The following CTNNA2 variants were observed in gnomAD, a reference collection of about 807,000 sequenced individuals.
CTNNA2 encodes catenin alpha 2.
In CTNNA2, 42 loss-of-function variants were observed where a neutral mutation model predicts 101.0. The ratio of observed to expected loss-of-function variants is 0.42; its 90% CI spans 0.32 to 0.54. The LOEUF is 0.54. Among genes scored for constraint, CTNNA2 ranks in the 20% least tolerant of loss-of-function variants. The probability of loss-of-function intolerance (pLI) is 0.14; values close to 1 mark genes in which losing one functional copy is unlikely to be tolerated. For missense variants in CTNNA2, 871 were observed against 1,223.1 expected (o/e 0.71, Z 4.29); for synonymous variants, 450 against 456.4 (o/e 0.99, Z 0.18).
chr2:80,375,473 C>T (rs547598423), intron 7 of CTNNA2, among the ~76,000 whole-genome samples: 2 of 152,130 alleles, frequency 1.3e-5, no homozygotes, highest in East Asian at 3.9e-4. Context: ...AGACTTGAAC[C>T]CATAACATGG....
chr2:80,372,861 G>A (rs539215083), intron 7 of CTNNA2, among the ~76,000 whole-genome samples: 1 of 152,158 alleles, frequency 6.6e-6, no homozygotes, highest in Non-Finnish European at 1.5e-5. Flanking sequence ...AGCAATGTCT[G>A]GAGATATTTT....
intron 4 of CTNNA2, among the ~76,000 whole-genome samples, chr2:79,381,256 C>A (rs1323997054): frequency 6.6e-6 from 1 of 152,106 alleles, no homozygotes; most frequent in Admixed American, 6.6e-5. Context: ...GTTGAAGAAA[C>A]TGAGATGCAT....
At chr2:80,520,011 A>G (rs1001973702) in intron 9 of CTNNA2, among the ~76,000 whole-genome samples, 4 of 152,138 alleles carry the variant, frequency 2.6e-5, no homozygotes, top group Admixed American at 2.6e-4. Context: ...TCATTGATCC[A>G]CTGTTGCTTA....
chr2:80,306,572 T>G (rs975778077), intron 7 of CTNNA2, among the ~76,000 whole-genome samples: 5 of 152,004 alleles, frequency 3.3e-5, no homozygotes, highest in Admixed American at 2.6e-4. Flanking sequence ...ACCTCCAAGG[T>G]GCTGCGGAAC....
chr2:80,050,033 C>A (rs1401657174), intron 7 of CTNNA2, among the ~76,000 whole-genome samples: 1 of 152,054 alleles, frequency 6.6e-6, no homozygotes, highest in Non-Finnish European at 1.5e-5. Flanking sequence ...CTCTTCCCAC[C>A]ACCCCAACAC....
intron 7 of CTNNA2, among the ~76,000 whole-genome samples, chr2:80,006,633 C>T (rs554854081): frequency 3.2e-4 from 48 of 152,104 alleles, no homozygotes; most frequent in African/African-American, 9.7e-4. Context: ...ATTTCCACTG[C>T]GCTAGGTATC....
chr2:79,287,109 G>C (rs1399593426), intron 2 of CTNNA2, among the ~76,000 whole-genome samples: 1 of 152,080 alleles, frequency 6.6e-6, no homozygotes, highest in Non-Finnish European at 1.5e-5. Context: ...AGCTCCATCA[G>C]CTCCTTTAAG....
chr2:79,473,354 A>G (rs892357260), intron 4 of CTNNA2, among the ~76,000 whole-genome samples: 1 of 152,120 alleles, frequency 6.6e-6, no homozygotes, highest in African/African-American at 2.4e-5. Context: ...CACAAATCCA[A>G]GAAACTCAGA....
intron 4 of CTNNA2, among the ~76,000 whole-genome samples, chr2:79,411,261 T>G (rs1573153346): frequency 6.6e-6 from 1 of 152,132 alleles, no homozygotes; most frequent in East Asian, 1.9e-4. Flanking sequence ...GCTCCTGGAT[T>G]CATTAATTTT....
At chr2:79,398,847 G>GGTGT in intron 4 of CTNNA2, among the ~76,000 whole-genome samples, 1 of 53,936 alleles carries the variant, frequency 1.9e-5, no homozygotes, top group East Asian at 1.3e-3. Flanking sequence ...GAAGTGTTTA[G>GGTGT]TTAAAAAAAA....
chr2:79,617,402 C>T (rs145065384), intron 1 of CTNNA2, among the ~76,000 whole-genome samples: 1 of 152,046 alleles, frequency 6.6e-6, no homozygotes, highest in African/African-American at 2.4e-5. Flanking sequence ...CTTTTAAATT[C>T]TCTTATTTCC....
chr2:79,382,105 C>G (rs572170750), intron 4 of CTNNA2, among the ~76,000 whole-genome samples: 1 of 152,056 alleles, frequency 6.6e-6, no homozygotes, highest in East Asian at 1.9e-4. Flanking sequence ...ATTGAGGGCC[C>G]AAGTAGAACA....
intron 4 of CTNNA2, among the ~76,000 whole-genome samples, chr2:79,403,528 A>T (rs1412972986): frequency 6.6e-6 from 1 of 152,130 alleles, no homozygotes; most frequent in South Asian, 2.1e-4. Flanking sequence ...AATCAGAGAA[A>T]GCTCTATGAA....
intron 7 of CTNNA2, among the ~76,000 whole-genome samples, chr2:80,189,217 G>A (rs1275441578): frequency 6.6e-6 from 1 of 152,150 alleles, no homozygotes; most frequent in Admixed American, 6.5e-5. Context: ...GCCTTCCAAA[G>A]TGCTGGGATT....
At chr2:79,440,103 TTTTG>T (rs1678760934) in intron 4 of CTNNA2, among the ~76,000 whole-genome samples, 1 of 152,182 alleles carries the variant, frequency 6.6e-6, no homozygotes, top group Non-Finnish European at 1.5e-5. Context: ...ACCCAGGACA[TTTTG>T]TTTATTATGT....
At chr2:79,568,038 T>C (rs1675222688) in intron 1 of CTNNA2, among the ~76,000 whole-genome samples, 1 of 152,120 alleles carries the variant, frequency 6.6e-6, no homozygotes, top group Non-Finnish European at 1.5e-5. Flanking sequence ...GTAACACTTA[T>C]TACAGTATTT....
At chr2:80,213,772 T>A (rs1055565972) in intron 7 of CTNNA2, among the ~76,000 whole-genome samples, 8 of 152,186 alleles carry the variant, frequency 5.3e-5, no homozygotes, top group Non-Finnish European at 1.0e-4. Context: ...GTATCCTTGT[T>A]AACTTTCTGT....
intron 3 of CTNNA2, among the ~76,000 whole-genome samples, chr2:79,357,287 C>T (rs1677529176): frequency 1.3e-5 from 2 of 152,110 alleles, no homozygotes; most frequent in Non-Finnish European, 2.9e-5. Context: ...ATTCACATCA[C>T]TGCATCCCAG....
At chr2:80,545,177 C>T (rs1470303033) in intron 10 of CTNNA2, 103 bp downstream of exon 10, 1 of 1,077,786 alleles carries the variant, frequency 9.3e-7, no homozygotes, top group Non-Finnish European at 1.4e-6. Context: ...CTGAAAAAGG[C>T]TACTCATCAT....
Sources: gnomAD v4.1 joint callset for allele counts (sites outside exome capture counted in the v4.1 genomes callset) on GRCh38, gnomAD v4.1.1 for gene constraint, MANE v1.5 for transcripts, NCBI Gene and HGNC (gene_info 2026-07-23, HGNC 2026-07-21) for gene names.